The following HTR4 variants were observed in gnomAD, a reference collection of about 807,000 sequenced individuals.
HTR4 encodes 5-hydroxytryptamine (serotonin) receptor 4, G protein-coupled.
Under a neutral mutation model 36.8 loss-of-function variants are expected in HTR4, and 16 were observed. The observed-to-expected ratio is 0.43, with a 90% CI of 0.29 to 0.66. The LOEUF (loss-of-function observed/expected upper bound fraction) is 0.66, where lower values mean the gene tolerates loss of function less well. HTR4 is among the 30% of genes least tolerant of loss of function. The probability of loss-of-function intolerance (pLI) is 0.13; values close to 1 mark genes in which losing one functional copy is unlikely to be tolerated. For synonymous variants in HTR4, 189 were observed against 185.1 expected (o/e 1.02, Z -0.17); for missense variants, 438 against 490.9 (o/e 0.89, Z 1.02).
intron 5 of HTR4, among the ~76,000 whole-genome samples, chr5:148,470,214 G>C (rs1203142543): frequency 1.3e-5 from 2 of 152,136 alleles, no homozygotes; most frequent in African/African-American, 2.4e-5. Flanking sequence ...AATAAAGATA[G>C]CTAACATTTC....
intron 2 of HTR4, among the ~76,000 whole-genome samples, chr5:148,596,541 T>G (rs934488920): frequency 2.0e-5 from 3 of 152,148 alleles, no homozygotes; most frequent in African/African-American, 7.2e-5. Flanking sequence ...CTGGCTTTTT[T>G]TGGAGAGCTG....
At chr5:148,616,273 T>A (rs1317131281) in intron 2 of HTR4, among the ~76,000 whole-genome samples, 1 of 152,244 alleles carries the variant, frequency 6.6e-6, no homozygotes, top group Non-Finnish European at 1.5e-5. Context: ...GTGTTTAGAA[T>A]TCTCTTTGAT....
chr5:148,529,556 C>T (rs114257827), intron 4 of HTR4, among the ~76,000 whole-genome samples: 1,977 of 152,278 alleles, frequency 0.013, 41 homozygotes, highest in African/African-American at 0.045. Context: ...AACTGTGAGT[C>T]CATTGAATCT....
chr5:148,523,251 G>A lies in HTR4; in HGVS notation c.449C>T (p.Thr150Met), dbSNP rs200046865. 292 of 1,613,366 alleles carry A rather than the reference G, an allele frequency of 1.8e-4. No individual in the cohort carries two copies. The highest frequency in any genetic ancestry group is 2.2e-4 in the Non-Finnish European group (256 of 1,179,678). The change falls in exon 5 of 7, where the codon ACG (threonine) becomes ATG (methionine). Residue 150 changes from threonine (T) to methionine (M), a missense_variant. Physicochemically the swap from Thr to Met is moderately conservative, Grantham distance 81. Transcript: ENST00000377888. ...CATTATAGGGAGAAAAGAAATAAACGTGGGGATGACCCAGCAGCCTCCCAG... is the reference window on the plus strand; with the variant it reads ...CATTATAGGGAGAAAAGAAATAAACATGGGGATGACCCAGCAGCCTCCCAG... Reference protein sequence around the residue: ...LMLGGCWVIPTFISFLPIMQG... With the variant: ...LMLGGCWVIPMFISFLPIMQG...
At chr5:148,576,402 T>G (rs1760921493) in intron 2 of HTR4, among the ~76,000 whole-genome samples, 2 of 151,984 alleles carry the variant, frequency 1.3e-5, no homozygotes, top group African/African-American at 4.8e-5. Flanking sequence ...CCAAAGCAGT[T>G]TACAGATTCA....
intron 5 of HTR4, among the ~76,000 whole-genome samples, chr5:148,471,630 C>T (rs1376693288): frequency 6.6e-6 from 1 of 152,188 alleles, no homozygotes; most frequent in Non-Finnish European, 1.5e-5. Flanking sequence ...ATAAATACAT[C>T]ACTAACCACA....
At chr5:148,602,939 GA>G (rs1170835571) in intron 2 of HTR4, among the ~76,000 whole-genome samples, 9 of 152,066 alleles carry the variant, frequency 5.9e-5, no homozygotes, top group African/African-American at 2.2e-4. Context: ...TACTCAATAA[GA>G]AAAACAAAAT....
At chr5:148,499,305 T>C (rs1352492946) in intron 6 of HTR4, among the ~76,000 whole-genome samples, 1 of 152,154 alleles carries the variant, frequency 6.6e-6, no homozygotes, top group African/African-American at 2.4e-5. Context: ...ATCATAATCA[T>C]TATTATTAAT....
chr5:148,584,614 T>C (rs554613515), intron 2 of HTR4, among the ~76,000 whole-genome samples: 1 of 152,274 alleles, frequency 6.6e-6, no homozygotes, highest in South Asian at 2.1e-4. Context: ...AGCCATTCTC[T>C]CCTACTTCCT....
intron 2 of HTR4, among the ~76,000 whole-genome samples, chr5:148,601,760 G>T (rs1433872098): frequency 6.6e-6 from 1 of 152,004 alleles, no homozygotes. Flanking sequence ...AAGGTGGTGC[G>T]GCCACACTCC....
At chr5:148,520,832 C>T (rs1479637992) in intron 5 of HTR4, 1 of 1,328,956 alleles carries the variant, frequency 7.5e-7, no homozygotes, top group Non-Finnish European at 1.0e-6. Flanking sequence ...GGATAGGATT[C>T]AAAAAATGTC....
intron 6 of HTR4, chr5:148,484,289 T>G (rs144316481): frequency 6.2e-7 from 1 of 1,613,720 alleles, no homozygotes; most frequent in South Asian, 1.1e-5. Context: ...CAGTCAAACA[T>G]CTAATGCTCA....
chr5:148,465,008 A>G (rs1025131477), intron 5 of HTR4, among the ~76,000 whole-genome samples: 1 of 152,212 alleles, frequency 6.6e-6, no homozygotes, highest in Admixed American at 6.5e-5. Context: ...AAAATATGAC[A>G]TTCTGGAAAA....
intron 2 of HTR4, among the ~76,000 whole-genome samples, chr5:148,558,450 C>G (rs1206774731): frequency 6.6e-6 from 1 of 152,168 alleles, no homozygotes; most frequent in African/African-American, 2.4e-5. Flanking sequence ...AATTCTTTCT[C>G]TAACACTTTG....
At chr5:148,626,324 C>A (rs1029454867) in intron 2 of HTR4, among the ~76,000 whole-genome samples, 4 of 152,142 alleles carry the variant, frequency 2.6e-5, no homozygotes, top group Middle Eastern at 3.2e-3. Context: ...TTTATCTTAT[C>A]CTCTACTAAA....
rs200987167 is a variant in HTR4, at chr5:148,521,003, G to A, written c.507+2190C>T. On this transcript the variant is annotated intron_variant, in intron 5 of 6. Transcript: ENST00000377888. ...AGGCAGGACTAAGGGCTAAGAATGCGGTGAAAAGAGGAAAGGGCAGCTCCC... is the reference window on the plus strand; with the variant it reads ...AGGCAGGACTAAGGGCTAAGAATGCAGTGAAAAGAGGAAAGGGCAGCTCCC... 1.3e-3 allele frequency: 1,756 copies of A among 1,367,250 alleles called. 4 individuals are homozygous for A. Among genetic ancestry groups the A allele is most frequent in the South Asian group, 1.8e-3 (157 of 87,964 alleles). The allele number at this position is 1,367,250 out of a possible 1,614,324, so 84.7% of individuals were successfully genotyped here.
intron 2 of HTR4, among the ~76,000 whole-genome samples, chr5:148,567,595 T>G (rs1375010747): frequency 1.3e-5 from 2 of 151,980 alleles, no homozygotes; most frequent in East Asian, 3.9e-4. Context: ...GTTCTTCTCC[T>G]CCCTCTGCTC....
At chr5:148,595,727 C>A (rs1188360663) in intron 2 of HTR4, among the ~76,000 whole-genome samples, 3 of 152,068 alleles carry the variant, frequency 2.0e-5, no homozygotes, top group East Asian at 1.9e-4. Flanking sequence ...ATGAATAATT[C>A]AATTTATCCT....
rs1319434068 is a variant in HTR4, at chr5:148,482,173, T to C, written c.*1030A>G. ...CCTCGGCATCCCCAGTGCTGCTGGA[T>C]CCTGCCCTCCTGCACCTTGGGGGAG... On this transcript the variant is annotated 3_prime_UTR_variant, in exon 7 of 7. Coordinates refer to ENST00000377888, the MANE Select transcript of HTR4 (RefSeq NM_000870.7). 1 of 985,670 alleles carries C rather than the reference T, an allele frequency of 1.0e-6. No homozygotes were observed. Among genetic ancestry groups the C allele is most frequent in the Non-Finnish European group, 1.2e-6 (1 of 830,132 alleles). The allele number at this position is 985,670 out of a possible 1,614,324, so 61.1% of individuals were successfully genotyped here.
Sources: allele counts gnomAD v4.1 joint callset (sites outside exome capture counted in the v4.1 genomes callset), GRCh38; gene constraint gnomAD v4.1.1; transcripts MANE v1.5; gene names NCBI Gene and HGNC (gene_info 2026-07-23, HGNC 2026-07-21).